The following ROR2 variants were observed in gnomAD, a reference collection of about 807,000 sequenced individuals.
ROR2 encodes tyrosine-protein kinase transmembrane receptor ROR2.
A neutral mutation model predicts 74.9 loss-of-function variants in ROR2; 33 were observed. That is an observed-to-expected ratio of 0.44 (90% CI 0.33 to 0.59). The LOEUF (loss-of-function observed/expected upper bound fraction) is 0.59. Ranked by LOEUF, ROR2 falls within the 20% of genes least tolerant of loss-of-function variation. The probability of loss-of-function intolerance (pLI) is 0.02; values close to 1 mark genes in which losing one functional copy is unlikely to be tolerated. For synonymous variants in ROR2, 586 were observed against 558.7 expected, an observed-to-expected ratio of 1.05 and a Z score of -0.69; for missense variants, 1,216 against 1,313.8, an observed-to-expected ratio of 0.93 and a Z score of 1.15.
chr9:91,949,649 T>C lies in ROR2; in HGVS notation c.97+218A>G, dbSNP rs7045603. Among the ~76,000 whole-genome samples the C allele has an allele frequency of 0.12, 18,328 of 151,852 alleles. 2,186 individuals carry two copies. The highest frequency in any genetic ancestry group is 0.31 in the African/African-American group (13,012 of 41,376). On this transcript the variant is annotated intron_variant, in intron 1 of 8. Coordinates refer to ENST00000375708, the MANE Select transcript of ROR2 (RefSeq NM_004560.4). ...CCCGCCCCCAGACTCTGGAAACACT[T>C]AGGCGTCCCCAGAGCGCGGCTTATT... is the stretch of plus-strand genomic sequence containing the variant.
At chr9:91,805,842 C>T (rs1432492618) in intron 1 of ROR2, among the ~76,000 whole-genome samples, 2 of 152,224 alleles carry the variant, frequency 1.3e-5, no homozygotes, top group Non-Finnish European at 2.9e-5. Flanking sequence ...ACACTGCCCT[C>T]CCCATGAGGG....
chr9:91,744,921 CTGAAGTCAGT>C (rs1825360564), intron 4 of ROR2, among the ~76,000 whole-genome samples: 1 of 152,124 alleles, frequency 6.6e-6, no homozygotes, highest in African/African-American at 2.4e-5. Context: ...TTGAAAAACC[CTGAAGTCAGT>C]TGGTAAAAGG....
At chr9:91,845,920 T>A (rs112081531) in intron 1 of ROR2, among the ~76,000 whole-genome samples, 1 of 144,582 alleles carries the variant, frequency 6.9e-6, no homozygotes, top group African/African-American at 2.6e-5. Context: ...AGGTGTACCT[T>A]ATGAAGAGCT....
chr9:91,762,981 A>C (rs534611023), intron 2 of ROR2, among the ~76,000 whole-genome samples: 1 of 152,324 alleles, frequency 6.6e-6, no homozygotes, highest in East Asian at 1.9e-4. Flanking sequence ...CTTATACACC[A>C]TGGAATACAA....
At chr9:91,821,838 C>G (rs1489299070) in intron 1 of ROR2, among the ~76,000 whole-genome samples, 1 of 152,148 alleles carries the variant, frequency 6.6e-6, no homozygotes, top group Non-Finnish European at 1.5e-5. Flanking sequence ...TCAGCAGGTC[C>G]AAGGCATCTA....
Position 91,723,555 on chromosome 9 carries a change from C to T in ROR2, c.*107G>A, listed in dbSNP as rs189697737. On this transcript the variant is annotated 3_prime_UTR_variant, in exon 9 of 9. Transcript: ENST00000375708. ...CCAGTCTGCAAACAAGCCCACTGGCCGGCGGGCTCTTGTGATTGCTGAGTA... is the reference window on the plus strand; with the variant it reads ...CCAGTCTGCAAACAAGCCCACTGGCTGGCGGGCTCTTGTGATTGCTGAGTA... 98 of 1,498,386 alleles carry T rather than the reference C, an allele frequency of 6.5e-5. No individual in the cohort carries two copies. Among genetic ancestry groups the T allele is most frequent in the African/African-American group, 2.6e-4 (19 of 72,142 alleles). The allele number at this position is 1,498,386 out of a possible 1,614,324, so 92.8% of individuals were successfully genotyped here.
intron 2 of ROR2, among the ~76,000 whole-genome samples, chr9:91,758,776 T>G (rs951707328): frequency 1.3e-5 from 2 of 152,200 alleles, no homozygotes; most frequent in African/African-American, 4.8e-5. Context: ...AGGAGGGATG[T>G]GTGTGAGTAT....
intron 1 of ROR2, among the ~76,000 whole-genome samples, chr9:91,929,484 C>T (rs963323599): frequency 1.3e-5 from 2 of 152,192 alleles, no homozygotes; most frequent in African/African-American, 4.8e-5. Flanking sequence ...CCATCCCACA[C>T]AGCCAATGTT....
chr9:91,847,470 C>T (rs1393996771), intron 1 of ROR2, among the ~76,000 whole-genome samples: 1 of 152,206 alleles, frequency 6.6e-6, no homozygotes, highest in Non-Finnish European at 1.5e-5. Context: ...CACATATACT[C>T]CCCCAGAAAG....
At chr9:91,823,910 G>A (rs536109131) in intron 1 of ROR2, among the ~76,000 whole-genome samples, 7 of 152,166 alleles carry the variant, frequency 4.6e-5, no homozygotes, top group Non-Finnish European at 1.0e-4. Context: ...ATCTCTGCCG[G>A]ATTCACCAGC....
rs1825790244 is a variant in ROR2, at chr9:91,757,390, T to C, written c.345A>G (p.Glu115=). 2 of 1,613,986 alleles carry C rather than the reference T, an allele frequency of 1.2e-6. No individual in the cohort carries two copies. Among genetic ancestry groups the C allele is most frequent in the African/African-American group, 1.3e-5 (1 of 74,998 alleles). Residue 115 remains glutamate (E), a synonymous_variant, in exon 3 of 9, where the codon GAA becomes GAG. Coordinates refer to ENST00000375708, the MANE Select transcript of ROR2 (RefSeq NM_004560.4). Reference sequence around the variant, plus strand: ...CCTGGATTCGCAGTCGTGAACCATATTCTGTCTTCCGGATGATGATCCGCC... The same window carrying C: ...CCTGGATTCGCAGTCGTGAACCATACTCTGTCTTCCGGATGATGATCCGCC... The part of the protein sequence containing the change: ...EPRRIIIRKT[E]YGSRLRIQDL...
chr9:91,828,388 A>T (rs559163244), intron 1 of ROR2, among the ~76,000 whole-genome samples: 1 of 152,198 alleles, frequency 6.6e-6, no homozygotes, highest in Non-Finnish European at 1.5e-5. Flanking sequence ...ATTAATTCTA[A>T]AAGTTTTTAG....
intron 2 of ROR2, among the ~76,000 whole-genome samples, chr9:91,767,534 G>T (rs1826096781): frequency 6.6e-6 from 1 of 152,216 alleles, no homozygotes; most frequent in Non-Finnish European, 1.5e-5. Flanking sequence ...GCTTTGATTA[G>T]CGGGAAATAA....
rs1334277007 is a variant in ROR2 at position 91,723,453 on chromosome 9, C to G, written c.*209G>C. Reference sequence around the variant, plus strand: ...CCCCAGGACGCCGTGCTGCCAGACCCCCTGCCTGGCTTGGGTGCTCCTAGG... The same window carrying G: ...CCCCAGGACGCCGTGCTGCCAGACCGCCTGCCTGGCTTGGGTGCTCCTAGG... On this transcript the variant is annotated 3_prime_UTR_variant, in exon 9 of 9. Coordinates refer to ENST00000375708, the MANE Select transcript of ROR2 (RefSeq NM_004560.4). 1.4e-6 allele frequency: 1 copy of G among 699,378 alleles called. No individual in the cohort carries two copies. The highest frequency in any genetic ancestry group is 2.3e-6 in the Non-Finnish European group (1 of 426,494). The allele number at this position is 699,378 out of a possible 1,614,324, so 43.3% of individuals were successfully genotyped here.
chr9:91,949,758 C>G, intron 1 of ROR2, 109 bp downstream of exon 1: 1 of 756,606 alleles, frequency 1.3e-6, no homozygotes, highest in Admixed American at 2.0e-5. Flanking sequence ...GCCCCTCGTT[C>G]AGGAGCATGG....
chr9:91,779,672 C>A (rs1415728573), intron 1 of ROR2, among the ~76,000 whole-genome samples: 1 of 152,084 alleles, frequency 6.6e-6, no homozygotes, highest in African/African-American at 2.4e-5. Context: ...TGCCACCGTG[C>A]CTGGCCAATA....
intron 1 of ROR2, among the ~76,000 whole-genome samples, chr9:91,839,299 T>A (rs1044939542): frequency 6.8e-6 from 1 of 147,848 alleles, no homozygotes; most frequent in Non-Finnish European, 1.5e-5. Context: ...TGTGTGTAAG[T>A]ACAGGCATGT....
intron 1 of ROR2, among the ~76,000 whole-genome samples, chr9:91,848,661 G>A (rs1253299860): frequency 2.0e-5 from 3 of 151,872 alleles, no homozygotes; most frequent in Non-Finnish European, 2.9e-5. Flanking sequence ...GACTGAGGCA[G>A]GGAGAATCGC....
At chr9:91,850,465 A>G (rs2119252214) in intron 1 of ROR2, among the ~76,000 whole-genome samples, 1 of 152,286 alleles carries the variant, frequency 6.6e-6, no homozygotes, top group South Asian at 2.1e-4. Context: ...TCAGGACCAC[A>G]AGAAAAGACT....
Sources: gnomAD v4.1 joint callset for allele counts (sites outside exome capture counted in the v4.1 genomes callset) on GRCh38, gnomAD v4.1.1 for gene constraint, MANE v1.5 for transcripts, NCBI Gene and HGNC (gene_info 2026-07-23, HGNC 2026-07-21) for gene names.